NHERF4: variants seen among roughly 807,000 people sequenced by gnomAD.
NHERF4 encodes NHERF family PDZ scaffold protein 4.
the NHERF4 span, chr11:119,189,979 G>A: frequency 5.4e-6 from 2 of 370,540 alleles, no homozygotes; most frequent in Non-Finnish European, 4.9e-6. The surrounding 1 kb of genome is among the most constrained non-coding windows in gnomAD (Gnocchi z 5.8). Context: ...GTTGGTGGGG[G>A]TAAGGGGCAG....
At chr11:119,189,563 G>A in the NHERF4 span, 4 of 1,546,142 alleles carry the variant, frequency 2.6e-6, no homozygotes, top group Admixed American at 1.7e-5. This position sits in a 1 kb window ranked among gnomAD's most constrained non-coding sequence, Gnocchi z 5.8. Context: ...GGTGGTGAAG[G>A]CAGGATGCTC....
chr11:119,187,751 A>C, the NHERF4 span: 24 of 1,467,856 alleles, frequency 1.6e-5, no homozygotes, highest in Non-Finnish European at 2.2e-5. Flanking sequence ...CCTGGGCCCC[A>C]CCTCGGGAAG....
the NHERF4 span, chr11:119,187,155 A>G: frequency 2.3e-5 from 20 of 871,688 alleles, no homozygotes; most frequent in Admixed American, 6.4e-5. Flanking sequence ...AAAAAAAAAA[A>G]AAAGAAAAAG....
At chr11:119,187,535 T>C in the NHERF4 span, 17 of 1,607,242 alleles carry the variant, frequency 1.1e-5, no homozygotes, top group Admixed American at 2.9e-4. Flanking sequence ...GGAAACAGAC[T>C]GGACCTTGCT....
At chr11:119,186,156 G>A in the NHERF4 span, 31 of 1,614,048 alleles carry the variant, frequency 1.9e-5, no homozygotes, top group African/African-American at 2.7e-4. The surrounding 1 kb of genome is among the most constrained non-coding windows in gnomAD (Gnocchi z 4.4). Flanking sequence ...CGAAGACCAC[G>A]ACCCCTATGG....
chr11:119,188,235 T>G, the NHERF4 span: 1 of 1,557,636 alleles, frequency 6.4e-7, no homozygotes, highest in Non-Finnish European at 8.7e-7. Context: ...CGAAGAGGTG[T>G]CCCTGTCTGA....
chr11:119,189,052 C>T, the NHERF4 span: 69 of 1,614,096 alleles, frequency 4.3e-5, no homozygotes, highest in East Asian at 1.8e-4. The surrounding 1 kb of genome is among the most constrained non-coding windows in gnomAD (Gnocchi z 5.8). Flanking sequence ...AAGTGGGAGA[C>T]GTGATTCTGG....
the NHERF4 span, chr11:119,186,046 C>A: frequency 6.2e-7 from 1 of 1,610,330 alleles, no homozygotes; most frequent in South Asian, 1.1e-5. The surrounding 1 kb of genome is among the most constrained non-coding windows in gnomAD (Gnocchi z 4.4). Flanking sequence ...TCCTGGGACC[C>A]AAGTCCAGCT....
the NHERF4 span, chr11:119,188,497 C>A: frequency 1.9e-6 from 3 of 1,607,278 alleles, no homozygotes; most frequent in Non-Finnish European, 1.7e-6. Flanking sequence ...AGGGGCAGGG[C>A]TCCTGTGTCT....
At chr11:119,189,070 CG>C in the NHERF4 span, 1 of 1,614,128 alleles carries the variant, frequency 6.2e-7, no homozygotes, top group Non-Finnish European at 8.5e-7. This position sits in a 1 kb window ranked among gnomAD's most constrained non-coding sequence, Gnocchi z 5.8. Context: ...TGGAAGTGAA[CG>C]GGTATCCTGT....
the NHERF4 span, chr11:119,190,031 G>A: frequency 4.5e-6 from 2 of 441,762 alleles, no homozygotes; most frequent in South Asian, 3.8e-5. This position sits in a 1 kb window ranked among gnomAD's most constrained non-coding sequence, Gnocchi z 4.2. Flanking sequence ...CAAGGGGTGG[G>A]ATGCGGCTCC....
chr11:119,186,028 A>G, the NHERF4 span: 1 of 1,611,862 alleles, frequency 6.2e-7, no homozygotes, highest in Non-Finnish European at 8.5e-7. The surrounding 1 kb of genome is among the most constrained non-coding windows in gnomAD (Gnocchi z 4.4). Context: ...ATTAGCACCT[A>G]AAGGAGATCC....
the NHERF4 span, chr11:119,188,886 A>G: frequency 6.2e-7 from 1 of 1,612,886 alleles, no homozygotes; most frequent in South Asian, 1.1e-5. Context: ...TGCCCCATGG[A>G]TCTTGAATCC....
the NHERF4 span, chr11:119,188,168 TG>T: frequency 6.6e-7 from 1 of 1,517,820 alleles, no homozygotes; most frequent in Admixed American, 2.1e-5. Context: ...CTGGGGGCGG[TG>T]GGGGAAGGTG....
chr11:119,188,417 G>A, the NHERF4 span: 1 of 1,613,928 alleles, frequency 6.2e-7, no homozygotes, highest in African/African-American at 1.3e-5. Context: ...GCAGGCTGGG[G>A]ACCGGCTGGT....
the NHERF4 span, chr11:119,187,615 G>A: frequency 1.4e-5 from 22 of 1,580,920 alleles, 1 homozygote; most frequent in South Asian, 1.5e-4. Context: ...GCAGCTGAGC[G>A]GGCAGGGGTG....
the NHERF4 span, chr11:119,189,938 A>G: frequency 3.0e-6 from 1 of 335,500 alleles, no homozygotes. The surrounding 1 kb of genome is among the most constrained non-coding windows in gnomAD (Gnocchi z 5.8). Flanking sequence ...AGAAATGGCC[A>G]TTCGCCATAA....
the NHERF4 span, chr11:119,188,860 T>A: frequency 6.2e-7 from 1 of 1,614,038 alleles, no homozygotes; most frequent in South Asian, 1.1e-5. Flanking sequence ...CGTCTCTTCA[T>A]CTCCCAGGTG....
the NHERF4 span, chr11:119,187,511 G>T: frequency 3.1e-5 from 50 of 1,613,224 alleles, no homozygotes; most frequent in Non-Finnish European, 4.1e-5. Flanking sequence ...CTCAGCCCCT[G>T]TTCAGGGCAG....
Sources: gnomAD v4.1 joint callset for allele counts on GRCh38, gnomAD v4.1.1 for gene constraint, Gnocchi (gnomAD v3.1) non-coding constraint, MANE v1.5 for transcripts, NCBI Gene and HGNC (gene_info 2026-07-23, HGNC 2026-07-21) for gene names.